Variants in ERC1 observed in about 807,000 individuals in gnomAD.
ERC1 encodes RAB6 interacting protein 2.
In ERC1, 56 loss-of-function variants were observed where a neutral mutation model predicts 132.0. That is an observed-to-expected ratio of 0.42 (90% CI 0.34 to 0.53). ERC1 has a LOEUF of 0.53. ERC1 is among the 20% of genes least tolerant of loss of function. The pLI is 0.03. For missense variants in ERC1, 1,202 were observed against 1,349.9 expected (o/e 0.89, Z 1.72); for synonymous variants, 478 against 476.1 (o/e 1.00, Z -0.05).
At chr12:1,381,945 AC>A (rs2154378721) in intron 16 of ERC1, among the ~76,000 whole-genome samples, 1 of 151,878 alleles carries the variant, frequency 6.6e-6, no homozygotes, top group Non-Finnish European at 1.5e-5. Flanking sequence ...AGAGAAAGAA[AC>A]TTTTCACTTG....
At chr12:1,341,422 T>C (rs2083882075) in intron 15 of ERC1, among the ~76,000 whole-genome samples, 1 of 152,064 alleles carries the variant, frequency 6.6e-6, no homozygotes, top group South Asian at 2.1e-4. Context: ...CAAATGTCCA[T>C]CAACGATAGA....
chr12:1,384,976 A>T (rs1056927406), intron 16 of ERC1, among the ~76,000 whole-genome samples: 5 of 152,244 alleles, frequency 3.3e-5, no homozygotes, highest in Admixed American at 6.5e-5. Flanking sequence ...TTCATTAGAA[A>T]TATACAAAGA....
At chr12:1,407,423 G>T (rs1006439107) in intron 16 of ERC1, among the ~76,000 whole-genome samples, 1 of 152,044 alleles carries the variant, frequency 6.6e-6, no homozygotes, top group Admixed American at 6.5e-5. Context: ...ATGGTGGCGT[G>T]CACCTGTAGT....
Position 1,028,164 on chromosome 12 carries a change from C to T in ERC1, c.261C>T (p.Ser87=), listed in dbSNP as rs765909910. 3 of 1,614,066 alleles carry T rather than the reference C, an allele frequency of 1.9e-6. No homozygotes were observed. The African/African-American group carries it at 4.0e-5, about 22-fold the overall frequency. Residue 87 remains serine, a synonymous_variant, in exon 2 of 19, where the codon AGC becomes AGT. Coordinates refer to ENST00000360905, the MANE Select transcript of ERC1 (RefSeq NM_178040.4). ...ATGTGGGTTCAGAAACACCTAAAAG[C>T]ACCATGACACTTGGCCGTTCTGGGG... ...HENVGSETPK[S]TMTLGRSGGR... is the part of the protein sequence containing the mutation.
intron 18 of ERC1, among the ~76,000 whole-genome samples, chr12:1,475,388 C>T (rs1036330911): frequency 6.6e-6 from 1 of 152,072 alleles, no homozygotes; most frequent in Non-Finnish European, 1.5e-5. Context: ...AAGAATTCAC[C>T]AAGGAGCTTG....
At chr12:1,282,862 G>C (rs1425532470) in intron 14 of ERC1, among the ~76,000 whole-genome samples, 1 of 152,292 alleles carries the variant, frequency 6.6e-6, no homozygotes, top group African/African-American at 2.4e-5. Context: ...TGAACCTCTG[G>C]ATAATCTTTT....
intron 8 of ERC1, among the ~76,000 whole-genome samples, chr12:1,155,417 C>T (rs1211107534): frequency 6.6e-6 from 1 of 151,304 alleles, no homozygotes; most frequent in East Asian, 1.9e-4. Flanking sequence ...AAAAAGACAT[C>T]TATGATATGG....
intron 1 of ERC1, among the ~76,000 whole-genome samples, chr12:1,009,177 A>AT (rs766670323): frequency 0.011 from 1,565 of 144,164 alleles, 25 homozygotes; most frequent in African/African-American, 0.032. Flanking sequence ...GGTGGTAAAG[A>AT]TTTTTTTTTT....
At chr12:1,402,718 AAGCT>A (rs887750649) in intron 16 of ERC1, among the ~76,000 whole-genome samples, 3 of 152,154 alleles carry the variant, frequency 2.0e-5, no homozygotes, top group African/African-American at 4.8e-5. Flanking sequence ...GTGAAACTAA[AAGCT>A]AGCTCTTAGA....
chr12:1,361,026 T>C (rs1395573380), intron 15 of ERC1, among the ~76,000 whole-genome samples: 1 of 149,646 alleles, frequency 6.7e-6, no homozygotes. Flanking sequence ...GTCTGGGAAA[T>C]CTAGGCTGCA....
At chr12:1,449,971 T>C (rs2093388503) in intron 18 of ERC1, among the ~76,000 whole-genome samples, 4 of 152,120 alleles carry the variant, frequency 2.6e-5, no homozygotes, top group Admixed American at 2.6e-4. Flanking sequence ...TTTTACCTTA[T>C]CATAGTCAAA....
At chr12:1,084,728 G>A (rs1942737798) in intron 3 of ERC1, among the ~76,000 whole-genome samples, 1 of 151,014 alleles carries the variant, frequency 6.6e-6, no homozygotes, top group South Asian at 2.1e-4. Context: ...GTCTCACTCT[G>A]TCACTCAGGC....
chr12:1,072,100 C>CAAAA (rs11438076), intron 2 of ERC1, among the ~76,000 whole-genome samples: 1 of 136,070 alleles, frequency 7.3e-6, no homozygotes, highest in African/African-American at 2.7e-5. Flanking sequence ...GACTCTGTCT[C>CAAAA]AAAAAAAAAA....
At chr12:1,138,203 G>T (rs1197585931) in intron 7 of ERC1, among the ~76,000 whole-genome samples, 13 of 90,966 alleles carry the variant, frequency 1.4e-4, no homozygotes, top group African/African-American at 5.7e-4. Flanking sequence ...AATTATATAT[G>T]ATATATATTA....
At chr12:1,472,731 G>A (rs1211204586) in intron 18 of ERC1, among the ~76,000 whole-genome samples, 1 of 151,382 alleles carries the variant, frequency 6.6e-6, no homozygotes, top group Non-Finnish European at 1.5e-5. Flanking sequence ...GAGGGAGGAA[G>A]GAAGATAAAT....
At chr12:1,280,497 T>A (rs2078606387) in intron 14 of ERC1, among the ~76,000 whole-genome samples, 3 of 152,342 alleles carry the variant, frequency 2.0e-5, no homozygotes, top group Admixed American at 2.0e-4. Context: ...GTGACGTGGA[T>A]TCTAATCCTT....
chr12:1,153,995 C>T (rs1424758639), intron 8 of ERC1, among the ~76,000 whole-genome samples: 1 of 152,100 alleles, frequency 6.6e-6, no homozygotes, highest in African/African-American at 2.4e-5. Flanking sequence ...CTGCCTGCCT[C>T]CCCCTGCTCT....
At chr12:1,288,564 A>G (rs1338877269) in intron 14 of ERC1, among the ~76,000 whole-genome samples, 1 of 152,252 alleles carries the variant, frequency 6.6e-6, no homozygotes, top group South Asian at 2.1e-4. Flanking sequence ...GCTGTTACCA[A>G]TCAACGTGGA....
At chr12:1,138,450 A>G (rs1401588048) in intron 7 of ERC1, among the ~76,000 whole-genome samples, 2 of 148,516 alleles carry the variant, frequency 1.3e-5, no homozygotes, top group South Asian at 2.1e-4. Context: ...TAATGATGTT[A>G]TTAAGTTCTA....
Sources: gnomAD v4.1 joint callset for allele counts (sites outside exome capture counted in the v4.1 genomes callset) on GRCh38, gnomAD v4.1.1 for gene constraint, MANE v1.5 for transcripts, NCBI Gene and HGNC (gene_info 2026-07-23, HGNC 2026-07-21) for gene names.